Variants in IMMP2L observed in about 807,000 individuals in gnomAD.
The protein encoded by IMMP2L is mitochondrial inner membrane protease subunit 2.
In IMMP2L, 18 loss-of-function variants were observed where a neutral mutation model predicts 19.3. The ratio of observed to expected loss-of-function variants is 0.93; its 90% CI spans 0.64 to 1.38. The LOEUF is 1.38. Among genes scored for constraint, IMMP2L ranks in the 40% most tolerant of loss-of-function variants. The probability of loss-of-function intolerance (pLI) is 0.00; values close to 1 mark genes in which losing one functional copy is unlikely to be tolerated. For synonymous variants in IMMP2L, 76 were observed against 73.0 expected, an observed-to-expected ratio of 1.04 and a Z score of -0.21; for missense variants, 233 against 218.2, an observed-to-expected ratio of 1.07 and a Z score of -0.43.
At chr7:110,967,403 C>G (rs887123856) in intron 3 of IMMP2L, among the ~76,000 whole-genome samples, 1 of 152,018 alleles carries the variant, frequency 6.6e-6, no homozygotes, top group African/African-American at 2.4e-5. Flanking sequence ...TGACCACCCC[C>G]ACCCTGATCC....
At chr7:110,827,997 C>T (rs1260615898) in intron 5 of IMMP2L, among the ~76,000 whole-genome samples, 1 of 152,068 alleles carries the variant, frequency 6.6e-6, no homozygotes, top group Non-Finnish European at 1.5e-5. Context: ...GCAGTTTCTT[C>T]TAAATAAGAA....
intron 4 of IMMP2L, among the ~76,000 whole-genome samples, chr7:110,936,465 G>A (rs1816122158): frequency 6.6e-6 from 1 of 152,144 alleles, no homozygotes; most frequent in Admixed American, 6.5e-5. Context: ...ATCATCACTG[G>A]TCATTAGAGA....
chr7:111,312,728 G>A (rs1051322378), intron 3 of IMMP2L, among the ~76,000 whole-genome samples: 1 of 152,176 alleles, frequency 6.6e-6, no homozygotes, highest in Non-Finnish European at 1.5e-5. Flanking sequence ...GACCCTGCAT[G>A]GAACGGCAAT....
chr7:111,038,728 A>T (rs2129570448), intron 3 of IMMP2L, among the ~76,000 whole-genome samples: 1 of 152,310 alleles, frequency 6.6e-6, no homozygotes, highest in African/African-American at 2.4e-5. Flanking sequence ...ACCATTTTCA[A>T]TATTTTTCAA....
intron 3 of IMMP2L, among the ~76,000 whole-genome samples, chr7:111,378,408 A>C (rs750856718): frequency 2.0e-5 from 3 of 152,016 alleles, no homozygotes; most frequent in Non-Finnish European, 4.4e-5. Context: ...CAGCAAATTT[A>C]AATATATTTA....
At chr7:111,183,548 G>A (rs1290947136) in intron 3 of IMMP2L, among the ~76,000 whole-genome samples, 2 of 152,060 alleles carry the variant, frequency 1.3e-5, no homozygotes, top group African/African-American at 4.8e-5. Context: ...TCTGTCCACA[G>A]AGAGTTATAA....
chr7:111,315,163 T>C (rs1425152095), intron 3 of IMMP2L, among the ~76,000 whole-genome samples: 2 of 152,170 alleles, frequency 1.3e-5, no homozygotes, highest in African/African-American at 4.8e-5. Context: ...GTCCATCTTA[T>C]ACAACCAACC....
At chr7:111,350,006 T>C (rs1384974319) in intron 3 of IMMP2L, among the ~76,000 whole-genome samples, 1 of 151,800 alleles carries the variant, frequency 6.6e-6, no homozygotes, top group East Asian at 1.9e-4. Context: ...TAGCTCTTAT[T>C]GCCTAGACTG....
intron 5 of IMMP2L, among the ~76,000 whole-genome samples, chr7:110,687,733 T>C (rs1449794508): frequency 1.3e-5 from 2 of 152,120 alleles, no homozygotes; most frequent in Non-Finnish European, 2.9e-5. Context: ...CTTATTTCTT[T>C]ATGTCAATAA....
intron 3 of IMMP2L, among the ~76,000 whole-genome samples, chr7:111,020,962 C>A (rs149269985): frequency 6.6e-6 from 1 of 152,226 alleles, no homozygotes; most frequent in Non-Finnish European, 1.5e-5. Context: ...AATTCCTGCT[C>A]ATTTTTAACA....
intron 5 of IMMP2L, among the ~76,000 whole-genome samples, chr7:110,798,492 C>G (rs73716435): frequency 6.6e-6 from 1 of 151,796 alleles, no homozygotes; most frequent in Admixed American, 6.6e-5. Context: ...TAAACTTAGA[C>G]GGATGAATGA....
rs920906201 is a variant in IMMP2L at position 110,758,878 on chromosome 7, C to T, written c.409-95157G>A. Among the ~76,000 whole-genome samples the T allele has an allele frequency of 1.3e-5, 2 of 151,992 alleles. No individual in the cohort carries two copies. Among genetic ancestry groups the T allele is most frequent in the Non-Finnish European group, 2.9e-5 (2 of 68,000 alleles). ...CCAAATCTCTCTGACATTGCTGCTA[C>T]AGAACTTCATGGAGAGAAAAAAATG... On this transcript the variant is annotated intron_variant, in intron 5 of 5. Transcript: ENST00000405709. The surrounding 1 kb of genome is among the most constrained non-coding windows in gnomAD (Gnocchi z 4.6).
At chr7:110,713,088 T>G (rs1188176752) in intron 5 of IMMP2L, among the ~76,000 whole-genome samples, 1 of 152,224 alleles carries the variant, frequency 6.6e-6, no homozygotes, top group African/African-American at 2.4e-5. Context: ...ATTTTGTATA[T>G]GGTGAAAGGT....
At chr7:111,125,952 A>G (rs1009493048) in intron 3 of IMMP2L, among the ~76,000 whole-genome samples, 6 of 151,382 alleles carry the variant, frequency 4.0e-5, no homozygotes, top group African/African-American at 9.7e-5. Flanking sequence ...CCTCCAGAGT[A>G]GCTGGGATTA....
chr7:111,308,169 T>C (rs1823093025), intron 3 of IMMP2L, among the ~76,000 whole-genome samples: 1 of 151,938 alleles, frequency 6.6e-6, no homozygotes, highest in Non-Finnish European at 1.5e-5. Context: ...AAAAAGTAAA[T>C]ATAATGTCTA....
At chr7:111,114,064 T>C (rs990500971) in intron 3 of IMMP2L, among the ~76,000 whole-genome samples, 5 of 152,008 alleles carry the variant, frequency 3.3e-5, no homozygotes, top group Admixed American at 6.6e-5. Context: ...AATGCATAAA[T>C]TTAGTCAGTC....
chr7:110,957,723 G>A (rs1199589580), intron 4 of IMMP2L, among the ~76,000 whole-genome samples: 1 of 151,684 alleles, frequency 6.6e-6, no homozygotes, highest in East Asian at 1.9e-4. Flanking sequence ...TATTCCTTTG[G>A]TTTGAACTCT....
chr7:110,707,152 C>T (rs1156856354), intron 5 of IMMP2L, among the ~76,000 whole-genome samples: 1 of 75,210 alleles, frequency 1.3e-5, no homozygotes, highest in Non-Finnish European at 2.6e-5. Context: ...CTATCCCTCC[C>T]CCCTCCCCCG....
chr7:111,396,861 G>A (rs1008178255), intron 3 of IMMP2L, among the ~76,000 whole-genome samples: 4 of 151,968 alleles, frequency 2.6e-5, no homozygotes, highest in African/African-American at 9.7e-5. Flanking sequence ...GAGGAGGGCG[G>A]ATCACAAGGT....
Sources: allele counts gnomAD v4.1 joint callset (sites outside exome capture counted in the v4.1 genomes callset), GRCh38; gene constraint gnomAD v4.1.1; non-coding constraint Gnocchi (gnomAD v3.1); transcripts MANE v1.5; gene names NCBI Gene and HGNC (gene_info 2026-07-23, HGNC 2026-07-21).